The following CACNG2 variants were observed in gnomAD, a reference collection of about 807,000 sequenced individuals.
CACNG2 encodes voltage-dependent calcium channel gamma-2 subunit.
In CACNG2, 3 loss-of-function variants were observed where a neutral mutation model predicts 25.9. The ratio of observed to expected loss-of-function variants is 0.12; its 90% CI spans 0.05 to 0.30. The LOEUF (loss-of-function observed/expected upper bound fraction) is 0.30. Ranked by LOEUF, CACNG2 falls within the 10% of genes least tolerant of loss-of-function variation. The pLI is 1.00. For synonymous variants in CACNG2, 167 were observed against 173.3 expected, an observed-to-expected ratio of 0.96 and a Z score of 0.29; for missense variants, 341 against 432.5, an observed-to-expected ratio of 0.79 and a Z score of 1.88.
At chr22:36,644,608 T>A (rs564089239) in intron 1 of CACNG2, among the ~76,000 whole-genome samples, 4 of 152,350 alleles carry the variant, frequency 2.6e-5, no homozygotes, top group African/African-American at 9.6e-5. Context: ...GTAATGCTAA[T>A]ACTGAGAGGT....
chr22:36,688,717 G>A (rs1478210118), intron 1 of CACNG2, among the ~76,000 whole-genome samples: 1 of 152,034 alleles, frequency 6.6e-6, no homozygotes, highest in South Asian at 2.1e-4. Context: ...GCAGGGGTGG[G>A]ATTTAGATCC....
intron 1 of CACNG2, among the ~76,000 whole-genome samples, chr22:36,671,272 C>T (rs953503496): frequency 2.0e-5 from 3 of 152,120 alleles, no homozygotes; most frequent in Non-Finnish European, 4.4e-5. Context: ...ATGCTTTAAC[C>T]TTGTAGTAAT....
intron 1 of CACNG2, among the ~76,000 whole-genome samples, chr22:36,630,335 A>G (rs941290109): frequency 2.6e-5 from 4 of 152,178 alleles, no homozygotes; most frequent in Non-Finnish European, 5.9e-5. Context: ...CTGAAGGCAG[A>G]GTCAACCTTA....
At chr22:36,702,260 G>A (rs555971554) in intron 1 of CACNG2, 106 bp downstream of exon 1, 8 of 728,186 alleles carry the variant, frequency 1.1e-5, no homozygotes, top group South Asian at 1.0e-4. Flanking sequence ...AGTGAACTAA[G>A]AAAATGGTGG....
At chr22:36,656,458 T>G (rs1936706631) in intron 1 of CACNG2, among the ~76,000 whole-genome samples, 1 of 152,120 alleles carries the variant, frequency 6.6e-6, no homozygotes, top group Non-Finnish European at 1.5e-5. Flanking sequence ...ATCCAACCAC[T>G]TCTCATCACC....
At chr22:36,688,480 C>T (rs1937228611) in intron 1 of CACNG2, among the ~76,000 whole-genome samples, 1 of 145,406 alleles carries the variant, frequency 6.9e-6, no homozygotes, top group Non-Finnish European at 1.5e-5. Context: ...TTTGAGGCTG[C>T]AGTGAGCCAT....
rs542115565 is a variant in CACNG2, at chr22:36,592,807, T to G, written c.212-5259A>C. On this transcript the variant is annotated intron_variant, in intron 1 of 3. Transcript: ENST00000300105. ...CCTCGGCGAGTGCAGAATCTTCTCC[T>G]AAGTTGTCCTCTACGGTTCGACTAG... 1.9e-3 allele frequency among the ~76,000 whole-genome samples: 282 copies of G among 152,282 alleles called. 3 individuals are homozygous for G. Among genetic ancestry groups the G allele is most frequent in the African/African-American group, 6.4e-3 (266 of 41,540 alleles).
chr22:36,692,605 C>T (rs1937279587), intron 1 of CACNG2, among the ~76,000 whole-genome samples: 1 of 152,166 alleles, frequency 6.6e-6, no homozygotes, highest in Admixed American at 6.5e-5. Context: ...TCAATGGATG[C>T]CTGGAGTTTT....
In CACNG2 at chr22:36,562,268, G is replaced by C. The variant is rs1453188728; in HGVS notation, c.*2083C>G. 6.6e-6 allele frequency: 1 copy of C among 152,520 alleles called. No homozygotes were observed. Among genetic ancestry groups the C allele is most frequent in the Non-Finnish European group, 1.5e-5 (1 of 68,720 alleles). The allele number at this position is 152,520 out of a possible 1,614,324, so 9.4% of individuals were successfully genotyped here. On this transcript the variant is annotated 3_prime_UTR_variant, in exon 4 of 4. Transcript: ENST00000300105. ...TGGGGGCTTGGTGGCAGCTGTCCTG[G>C]TCATCCCTGGCATATCCTCGGGGCA...
chr22:36,678,512 ACT>A (rs1937045149), intron 1 of CACNG2, among the ~76,000 whole-genome samples: 1 of 151,468 alleles, frequency 6.6e-6, no homozygotes, highest in South Asian at 2.1e-4. Flanking sequence ...CTAACCAAAG[ACT>A]CGACCCAATT....
chr22:36,607,487 T>C lies in CACNG2; in HGVS notation c.212-19939A>G, dbSNP rs530407411. On this transcript the variant is annotated intron_variant, in intron 1 of 3. Coordinates refer to ENST00000300105, the MANE Select transcript of CACNG2 (RefSeq NM_006078.5). ...CCCAGGCTGGGCTCAAGTGATTCTT[T>C]CACCTCTCAGCCTCCCGAAGTGCTG... Among the ~76,000 whole-genome samples the C allele has an allele frequency of 2.5e-4, 38 of 152,304 alleles. No individual in the cohort carries two copies. In the East Asian group the frequency reaches 6.7e-3, roughly 27 times the overall value.
chr22:36,612,530 T>A, intron 1 of CACNG2, among the ~76,000 whole-genome samples: 1 of 152,326 alleles, frequency 6.6e-6, no homozygotes, highest in African/African-American at 2.4e-5. Flanking sequence ...ATATCTTCCG[T>A]ACATTCATAG....
At chr22:36,672,321 TAATTTTTAAA>T (rs1323473523) in intron 1 of CACNG2, among the ~76,000 whole-genome samples, 1 of 152,150 alleles carries the variant, frequency 6.6e-6, no homozygotes, top group African/African-American at 2.4e-5. Context: ...ACCACCTGGC[TAATTTTTAAA>T]AATTTTTATA....
At chr22:36,646,919 A>G (rs745493825) in intron 1 of CACNG2, among the ~76,000 whole-genome samples, 2 of 152,070 alleles carry the variant, frequency 1.3e-5, no homozygotes, top group African/African-American at 4.8e-5. Context: ...GTATTTTCTT[A>G]TAGCCTGTGG....
intron 2 of CACNG2, 148 bp downstream of exon 2, chr22:36,587,317 C>A: frequency 1.4e-6 from 1 of 724,454 alleles, no homozygotes; most frequent in Non-Finnish European, 2.5e-6. Context: ...ATATGAAGGT[C>A]TGTACTCCGG....
intron 1 of CACNG2, among the ~76,000 whole-genome samples, chr22:36,663,301 G>A (rs1936826555): frequency 6.6e-6 from 1 of 152,102 alleles, no homozygotes; most frequent in South Asian, 2.1e-4. Flanking sequence ...AAGACTACTT[G>A]GGGATCTCCG....
At chr22:36,634,872 T>C (rs1376864555) in intron 1 of CACNG2, among the ~76,000 whole-genome samples, 1 of 152,250 alleles carries the variant, frequency 6.6e-6, no homozygotes, top group African/African-American at 2.4e-5. Context: ...AGTGAATGTC[T>C]CTGGGATTAA....
At chr22:36,644,304 A>G (rs572723767) in intron 1 of CACNG2, among the ~76,000 whole-genome samples, 3 of 152,312 alleles carry the variant, frequency 2.0e-5, no homozygotes, top group African/African-American at 7.2e-5. Flanking sequence ...TTGTAAGAGA[A>G]AGGAGGAGCA....
chr22:36,674,436 C>G (rs1936996014), intron 1 of CACNG2, among the ~76,000 whole-genome samples: 2 of 152,186 alleles, frequency 1.3e-5, no homozygotes, highest in Admixed American at 6.5e-5. Flanking sequence ...TTGAGCGATT[C>G]TCCTGCCTCA....
Sources: gnomAD v4.1 joint callset for allele counts (sites outside exome capture counted in the v4.1 genomes callset) on GRCh38, gnomAD v4.1.1 for gene constraint, MANE v1.5 for transcripts, NCBI Gene and HGNC (gene_info 2026-07-23, HGNC 2026-07-21) for gene names.